NOP2: variants seen among roughly 807,000 people sequenced by gnomAD.
The protein encoded by NOP2 is 28S rRNA (cytosine(4447)-C(5))-methyltransferase.
Under a neutral mutation model 72.7 loss-of-function variants are expected in NOP2, and 7 were observed. The ratio of observed to expected loss-of-function variants is 0.10; its 90% CI spans 0.05 to 0.18. The LOEUF (loss-of-function observed/expected upper bound fraction) is 0.18, where lower values mean the gene tolerates loss of function less well. Ranked by LOEUF, NOP2 falls within the 10% of genes least tolerant of loss-of-function variation. The probability of loss-of-function intolerance (pLI) is 1.00; values close to 1 mark genes in which losing one functional copy is unlikely to be tolerated. For synonymous variants in NOP2, 387 were observed against 388.0 expected, an observed-to-expected ratio of 1.00 and a Z score of 0.03; for missense variants, 954 against 1,014.7, an observed-to-expected ratio of 0.94 and a Z score of 0.81.
rs952934418 is a variant in NOP2, at chr12:6,561,959, G to A, written c.991C>T (p.Arg331Cys). Reference protein sequence around the residue: ...RRDLAQALINRGVNLDPLGKW... With the variant: ...RRDLAQALINCGVNLDPLGKW... The stretch of plus-strand genomic sequence containing the variant: ...CCCAGGGGATCCAGGTTAACCCCAC[G>A]ATTGATTAGAGCCTGAAAAGGGATG... The change falls in exon 10 of 16, where the codon CGT (arginine) becomes TGT (cysteine). Residue 331 changes from arginine to cysteine, a missense_variant. Coordinates refer to ENST00000322166, the MANE Select transcript of NOP2 (RefSeq NM_001258308.2). The A allele has an allele frequency of 1.3e-5, 21 of 1,604,380 alleles. No individual in the cohort carries two copies. Among genetic ancestry groups the A allele is most frequent in the Non-Finnish European group, 1.8e-5 (21 of 1,173,226 alleles).
At chr12:6,568,087 C>G in intron 1 of NOP2, 120 bp downstream of exon 1, 1 of 607,882 alleles carries the variant, frequency 1.6e-6, no homozygotes, top group Non-Finnish European at 2.9e-6. Context: ...CCCCCGCTAT[C>G]CCCCTGGAGG....
At chr12:6,566,943 A>C in intron 2 of NOP2, 121 bp from the exon 3 acceptor site, 111 of 776,006 alleles carry the variant, frequency 1.4e-4, no homozygotes, top group East Asian at 1.9e-4. Context: ...TTTAAATCTC[A>C]GCCCTGTTAT....
intron 3 of NOP2, 69 bp downstream of exon 3, chr12:6,566,708 G>T: frequency 6.3e-7 from 1 of 1,587,876 alleles, no homozygotes; most frequent in Non-Finnish European, 8.6e-7. Flanking sequence ...TGAGAGTCTA[G>T]AATTAACTCT....
At position 6,557,102 on chromosome 12, in the gene NOP2, G is replaced by A. The variant is rs774840996; in HGVS notation, c.2330C>T (p.Pro777Leu). 1 of 1,613,974 alleles carries A rather than the reference G, an allele frequency of 6.2e-7. No individual in the cohort carries two copies. The highest frequency in any genetic ancestry group is 1.1e-5 in the South Asian group (1 of 91,078). Residue 777 changes from proline (P) to leucine (L), a missense_variant, in exon 16 of 16, where the codon CCC becomes CTC. Physicochemically the swap from Pro to Leu is moderately conservative, Grantham distance 98. Around this residue, in one of 3 missense-constraint regions of NOP2, gnomAD observed 269 missense variants for 260.2 expected, o/e 1.03. Coordinates refer to ENST00000322166, the MANE Select transcript of NOP2 (RefSeq NM_001258308.2). Reference sequence around the variant, plus strand: ...CACAGTGGGAGGCTGAGGCCCCTTGGGGGTATCATTCTGTTTCTGGAAGGC... The same window carrying A: ...CACAGTGGGAGGCTGAGGCCCCTTGAGGGTATCATTCTGTTTCTGGAAGGC... ...KAAFQKQNDT[P>L]KGPQPPTVSP...
Position 6,561,743 on chromosome 12 carries a change from G to A in NOP2, c.1128C>T (p.Pro376=), listed in dbSNP as rs376479927. 61 of 1,612,514 alleles carry A rather than the reference G, an allele frequency of 3.8e-5. No individual in the cohort carries two copies. The highest frequency in any genetic ancestry group is 6.7e-5 in the Admixed American group (4 of 59,770). ...YMLQGASSML[P]VMALAPQEHE... ...GTTCCTGGGGTGCCAAGGCCATGAC[G>A]GGCAACATGCTGGAGGCTCCCTGCA... The change falls in exon 11 of 16, where the codon CCC becomes CCT. Residue 376 remains proline (P), a synonymous_variant. Transcript: ENST00000322166.
intron 15 of NOP2, chr12:6,558,203 A>C: frequency 2.8e-6 from 1 of 356,402 alleles, no homozygotes; most frequent in Non-Finnish European, 5.3e-6. Context: ...TTCTACAGGA[A>C]GCTGCGCCCT....
At chr12:6,558,671 G>A (rs1011856024) in intron 15 of NOP2, among the ~76,000 whole-genome samples, 5 of 148,326 alleles carry the variant, frequency 3.4e-5, no homozygotes, top group Non-Finnish European at 5.9e-5. Flanking sequence ...GTACAGTGGT[G>A]CCATCATAGC....
At chr12:6,559,677 A>G (rs1947594157) in intron 15 of NOP2, among the ~76,000 whole-genome samples, 4 of 152,190 alleles carry the variant, frequency 2.6e-5, no homozygotes, top group Admixed American at 2.6e-4. Flanking sequence ...TGAGAAAACA[A>G]TCTGCAATGA....
chr12:6,560,141 G>T lies in NOP2; in HGVS notation c.1746C>A (p.Ala582=). The change falls in exon 15 of 16, where the codon GCC becomes GCA. Residue 582 remains alanine (A), a synonymous_variant. Transcript: ENST00000322166. The surrounding 1 kb of genome is among the most constrained non-coding windows in gnomAD (Gnocchi z 5.0). ...TAGAATTGGAAAATTTCTTGAACTT[G>T]GCAATGAAGAACCCATCCATATTGT... The part of the protein sequence containing the change: ...HTHNMDGFFI[A]KFKKFSNSIP... The T allele has an allele frequency of 6.2e-7, 1 of 1,614,018 alleles. No homozygotes were observed. Among genetic ancestry groups the T allele is most frequent in the Non-Finnish European group, 8.5e-7 (1 of 1,179,880 alleles).
Position 6,557,267 on chromosome 12 carries a change from C to T in NOP2, c.2165G>A (p.Gly722Asp). 1 of 1,613,988 alleles carries T rather than the reference C, an allele frequency of 6.2e-7. No homozygotes were observed. The highest frequency in any genetic ancestry group is 8.5e-7 in the Non-Finnish European group (1 of 1,179,890). ...CACAGCCGGTGTTTGTGTGTCTGTG[C>T]CCTTGGGAGGGGCATTCTGCCTGAG... ...AFLRQNAPPKGTDTQTPAVLS... is the reference protein window; with the variant it reads ...AFLRQNAPPKDTDTQTPAVLS... The change falls in exon 16 of 16, where the codon GGC becomes GAC. Residue 722 changes from glycine to aspartate, a missense_variant. Transcript: ENST00000322166.
In NOP2 at chr12:6,560,539, G is replaced by A. The variant is rs775518751; in HGVS notation, c.1468C>T (p.Leu490Phe). 3.1e-6 allele frequency: 5 copies of A among 1,603,300 alleles called. No individual in the cohort carries two copies. In the Admixed American group the frequency reaches 5.1e-5, roughly 16 times the overall value. The change falls in exon 14 of 16, where the codon CTC becomes TTC. Residue 490 changes from leucine to phenylalanine, a missense_variant. Around this residue, in one of 3 missense-constraint regions of NOP2, gnomAD observed 187 missense variants for 276.2 expected, o/e 0.68. Coordinates refer to ENST00000322166, the MANE Select transcript of NOP2 (RefSeq NM_001258308.2). This position sits in a 1 kb window ranked among gnomAD's most constrained non-coding sequence, Gnocchi z 5.0. ...GCACTCAGGAGCAACTCCTTCTGGAGGTGAGCACAGCGCAGGATGTCCTTC... is the reference window on the plus strand; with the variant it reads ...GCACTCAGGAGCAACTCCTTCTGGAAGTGAGCACAGCGCAGGATGTCCTTC... ...DEKDILRCAH[L>F]QKELLLSAID...
rs545573851 is a variant in NOP2, at chr12:6,568,283, A to G, written c.-81T>C. 5.3e-4 allele frequency: 104 copies of G among 194,936 alleles called. No individual in the cohort carries two copies. The highest frequency in any genetic ancestry group is 2.4e-3 in the African/African-American group (101 of 42,636). The allele number at this position is 194,936 out of a possible 1,614,324, so 12.1% of individuals were successfully genotyped here. ...AATCCGGACCTAGCTTTCGGCCGGC[A>G]CTCGCCACAGAATCGTTCCACGCAG... On this transcript the variant is annotated 5_prime_UTR_variant, in exon 1 of 16. Transcript: ENST00000322166.
Position 6,566,567 on chromosome 12 carries a change from G to T in NOP2, c.200C>A (p.Ser67Tyr). 1 of 1,614,016 alleles carries T rather than the reference G, an allele frequency of 6.2e-7. No homozygotes were observed. Among genetic ancestry groups the T allele is most frequent in the South Asian group, 1.1e-5 (1 of 91,076 alleles). ...GSVEAPKTNK[S>Y]PEAKPLPGKL... is the part of the protein sequence containing the mutation. Reference sequence around the variant, plus strand: ...TCCAGGCAATGGTTTGGCCTCAGGAGACTTATTTGTCTTAGGGGCTTCAAC... The same window carrying T: ...TCCAGGCAATGGTTTGGCCTCAGGATACTTATTTGTCTTAGGGGCTTCAAC... The change falls in exon 4 of 16, where the codon TCT (serine) becomes TAT (tyrosine). Residue 67 changes from serine (S) to tyrosine (Y), a missense_variant. Around this residue, in one of 3 missense-constraint regions of NOP2, gnomAD observed 498 missense variants for 478.3 expected, o/e 1.04. Transcript: ENST00000322166.
At chr12:6,566,868 T>G (rs994639577) in intron 2 of NOP2, 46 bp from the exon 3 acceptor site, 22 of 1,489,910 alleles carry the variant, frequency 1.5e-5, no homozygotes, top group Middle Eastern at 1.7e-4. Context: ...CAGGGGACAT[T>G]AAAAATAAAT....
intron 5 of NOP2, among the ~76,000 whole-genome samples, chr12:6,565,157 T>TA (rs1404182621): frequency 7.9e-6 from 1 of 125,940 alleles, no homozygotes; most frequent in East Asian, 2.0e-4. Context: ...AAGCAGTTAT[T>TA]TTTTTTTTTT....
intron 5 of NOP2, among the ~76,000 whole-genome samples, chr12:6,565,155 ATTT>A (rs34342403): frequency 0.012 from 1,665 of 135,954 alleles, 24 homozygotes; most frequent in African/African-American, 0.042. Flanking sequence ...GGAAGCAGTT[ATTT>A]TTTTTTTTTT....
intron 8 of NOP2, 69 bp from the exon 9 acceptor site, chr12:6,563,239 G>C (rs1947693693): frequency 6.5e-7 from 1 of 1,547,938 alleles, no homozygotes; most frequent in Non-Finnish European, 8.7e-7. Flanking sequence ...GGGAGCAAGG[G>C]GGCCGAACAT....
At chr12:6,558,274 T>G (rs1052454913) in intron 15 of NOP2, 12 of 269,128 alleles carry the variant, frequency 4.5e-5, no homozygotes, top group Admixed American at 1.6e-4. Context: ...GTTTTGGGGT[T>G]TTTTTTTTCT....
At chr12:6,563,057 T>C (rs1390121175) in intron 9 of NOP2, 24 bp downstream of exon 9, 4 of 1,559,382 alleles carry the variant, frequency 2.6e-6, no homozygotes, top group African/African-American at 1.4e-5. Flanking sequence ...CTGAGATGAG[T>C]GAGCCTCAAA....
Sources: gnomAD v4.1 joint callset for allele counts (sites outside exome capture counted in the v4.1 genomes callset) on GRCh38, gnomAD v4.1.1 for gene constraint, gnomAD v4.1.1 regional missense constraint, Gnocchi (gnomAD v3.1) non-coding constraint, MANE v1.5 for transcripts, NCBI Gene and HGNC (gene_info 2026-07-23, HGNC 2026-07-21) for gene names.